The following AP1G1 variants were observed in gnomAD, a reference collection of about 807,000 sequenced individuals.
AP1G1 encodes adaptor related protein complex 1 subunit gamma 1.
AP1G1 carries 7 observed loss-of-function variants against 108.3 expected under a neutral mutation model. The observed-to-expected ratio is 0.06, with a 90% CI of 0.04 to 0.12. The LOEUF (loss-of-function observed/expected upper bound fraction) is 0.12. Ranked by LOEUF, AP1G1 falls within the 10% of genes least tolerant of loss-of-function variation. AP1G1 has a pLI of 1.00. For missense variants in AP1G1, 756 were observed against 1,010.7 expected, an observed-to-expected ratio of 0.75 and a Z score of 3.42; for synonymous variants, 379 against 353.5, an observed-to-expected ratio of 1.07 and a Z score of -0.81.
intron 6 of AP1G1, chr16:71,766,528 T>G (rs1323123749): frequency 4.7e-6 from 2 of 428,608 alleles, no homozygotes; most frequent in Admixed American, 5.3e-5. Context: ...AACTCAATTT[T>G]TAGCTATATA....
rs1280656645 is a variant in AP1G1 at position 71,796,183 on chromosome 16, G to A, written c.-3-6701C>T. ...GAGCCAAGGGGACTTGGGTTGCAGT[G>A]AGCTGAGATCGAATCACTGCACTCC... On this transcript the variant is annotated intron_variant, in intron 1 of 22. Transcript: ENST00000299980. 2.6e-5 allele frequency among the ~76,000 whole-genome samples: 4 copies of A among 152,162 alleles called. No individual in the cohort carries two copies. In the South Asian group the frequency reaches 6.2e-4, roughly 24 times the overall value.
At chr16:71,784,500 G>A (rs1181346166) in intron 2 of AP1G1, among the ~76,000 whole-genome samples, 3 of 152,108 alleles carry the variant, frequency 2.0e-5, no homozygotes, top group African/African-American at 7.2e-5. Flanking sequence ...CTTTAATGTA[G>A]ATGCTGGTAG....
rs1008357388 is a variant in AP1G1 at position 71,732,972 on chromosome 16, T to G, written c.*86A>C. 11 of 1,046,720 alleles carry G rather than the reference T, an allele frequency of 1.1e-5. No individual in the cohort carries two copies. In the East Asian group the frequency reaches 2.4e-4, roughly 23 times the overall value. The allele number at this position is 1,046,720 out of a possible 1,614,324, so 64.8% of individuals were successfully genotyped here. ...TCAGCTCCTCATGCCCGTGGTACAG[T>G]TGGGGGGGACTTGCCAGCAATCACA... On this transcript the variant is annotated 3_prime_UTR_variant, in exon 23 of 23. Transcript: ENST00000299980.
intron 1 of AP1G1, among the ~76,000 whole-genome samples, chr16:71,801,323 C>G (rs1230269452): frequency 8.1e-6 from 1 of 123,870 alleles, no homozygotes; most frequent in Non-Finnish European, 1.6e-5. Flanking sequence ...ATTTACTGAC[C>G]ATGACATGTT....
chr16:71,750,013 G>A, intron 14 of AP1G1, 30 bp from the exon 15 acceptor site: 1 of 1,580,026 alleles, frequency 6.3e-7, no homozygotes, highest in Non-Finnish European at 8.7e-7. Flanking sequence ...CGTTTCTCAA[G>A]AACTTCAATT....
intron 13 of AP1G1, among the ~76,000 whole-genome samples, chr16:71,752,596 T>C (rs961852628): frequency 1.3e-5 from 2 of 152,202 alleles, no homozygotes; most frequent in East Asian, 1.9e-4. Context: ...TTAGGATGAA[T>C]ACTTTTACAT....
In AP1G1 at chr16:71,769,536, C is replaced by A. The variant is rs535188273; in HGVS notation, c.642+87G>T. The A allele has an allele frequency of 2.5e-5, 32 of 1,294,328 alleles. No individual in the cohort carries two copies. In the African/African-American group the frequency reaches 3.2e-4, roughly 13 times the overall value. 80.2% of individuals were successfully genotyped at this position (1,294,328 alleles called of 1,614,324 possible). A position where few individuals can be genotyped will look rare whatever the true frequency, so the allele number is the denominator to read the frequency against. The stretch of plus-strand genomic sequence containing the variant: ...CTTATTCAGATCCATAGCTTGCTTT[C>A]AAAAAAAAATAAGAAGAAAATCATG... On this transcript the variant is annotated intron_variant, in intron 6 of 22. Transcript: ENST00000299980.
At chr16:71,780,932 C>T (rs1279681440) in intron 2 of AP1G1, among the ~76,000 whole-genome samples, 1 of 152,090 alleles carries the variant, frequency 6.6e-6, no homozygotes, top group African/African-American at 2.4e-5. Context: ...ATCCGCCTGC[C>T]TCAGCTTCCT....
intron 13 of AP1G1, chr16:71,753,562 T>C (rs909281752): frequency 9.5e-6 from 4 of 419,606 alleles, no homozygotes; most frequent in Non-Finnish European, 1.8e-5. Context: ...GTCTCTTAGG[T>C]CTCTACTCAA....
chr16:71,782,410 C>T (rs546328170), intron 2 of AP1G1, among the ~76,000 whole-genome samples: 13 of 151,978 alleles, frequency 8.6e-5, no homozygotes, highest in African/African-American at 2.9e-4. Flanking sequence ...GCAATCTGCC[C>T]GCCTCAGCCT....
intron 1 of AP1G1, among the ~76,000 whole-genome samples, chr16:71,799,514 T>C (rs1042877993): frequency 2.0e-5 from 3 of 152,174 alleles, no homozygotes; most frequent in Admixed American, 6.5e-5. Context: ...ACACCTGTAA[T>C]CTCAGCACTT....
chr16:71,740,059 G>A (rs1344310940), intron 19 of AP1G1, among the ~76,000 whole-genome samples: 1 of 152,182 alleles, frequency 6.6e-6, no homozygotes, highest in Non-Finnish European at 1.5e-5. Flanking sequence ...AATTCCAGAT[G>A]TTGGCAAGAA....
At chr16:71,735,249 A>G (rs1301717183) in intron 21 of AP1G1, among the ~76,000 whole-genome samples, 1 of 152,240 alleles carries the variant, frequency 6.6e-6, no homozygotes, top group Non-Finnish European at 1.5e-5. Flanking sequence ...TCCTCTCCAC[A>G]TGACAGAAGG....
intron 9 of AP1G1, among the ~76,000 whole-genome samples, chr16:71,763,350 G>A (rs2031182564): frequency 6.6e-6 from 1 of 152,084 alleles, no homozygotes; most frequent in African/African-American, 2.4e-5. Context: ...TGGTTGCCAG[G>A]GACTACAGAT....
intron 1 of AP1G1, among the ~76,000 whole-genome samples, chr16:71,793,258 C>T (rs1401185682): frequency 2.6e-5 from 4 of 152,134 alleles, no homozygotes; most frequent in Non-Finnish European, 5.9e-5. Context: ...TGAAACTATA[C>T]AGAACATAGC....
At chr16:71,746,515 T>C in intron 17 of AP1G1, 73 bp downstream of exon 17, 3 of 944,568 alleles carry the variant, frequency 3.2e-6, no homozygotes, top group Non-Finnish European at 4.9e-6. Context: ...GAATGAATCT[T>C]CTTTATGGAT....
At chr16:71,796,312 G>A (rs1177199068) in intron 1 of AP1G1, among the ~76,000 whole-genome samples, 2 of 152,172 alleles carry the variant, frequency 1.3e-5, no homozygotes, top group Non-Finnish European at 2.9e-5. Context: ...AGCATTGTAA[G>A]ACAAGCATAA....
At chr16:71,775,684 C>T (rs1171049079) in intron 2 of AP1G1, among the ~76,000 whole-genome samples, 1 of 152,052 alleles carries the variant, frequency 6.6e-6, no homozygotes, top group East Asian at 1.9e-4. Flanking sequence ...GAGGCAATAA[C>T]TAAGTTTAAT....
rs575301003 is a variant in AP1G1 at position 71,732,029 on chromosome 16, C to A, written c.*1029G>T. The A allele has an allele frequency of 6.6e-6, 1 of 152,560 alleles. No individual in the cohort carries two copies. The highest frequency in any genetic ancestry group is 2.4e-5 in the African/African-American group (1 of 41,538). 9.5% of individuals were successfully genotyped at this position (152,560 alleles called of 1,614,324 possible). ...TTTGGAGTAATAGATAAGATGACTC[C>A]AATACTCACTCTTCCTAAGGGCAAA... On this transcript the variant is annotated 3_prime_UTR_variant, in exon 23 of 23. Transcript: ENST00000299980.
Sources: allele counts gnomAD v4.1 joint callset (sites outside exome capture counted in the v4.1 genomes callset), GRCh38; gene constraint gnomAD v4.1.1; transcripts MANE v1.5; gene names NCBI Gene and HGNC (gene_info 2026-07-23, HGNC 2026-07-21).